Variants in IFT43 observed in about 807,000 individuals in gnomAD.
IFT43 encodes intraflagellar transport protein 43 homolog.
In IFT43, 33 loss-of-function variants were observed where a neutral mutation model predicts 32.3. That is an observed-to-expected ratio of 1.02 (90% CI 0.77 to 1.37). The LOEUF (loss-of-function observed/expected upper bound fraction) is 1.37. Among genes scored for constraint, IFT43 ranks in the 40% most tolerant of loss-of-function variants. IFT43 has a pLI of 0.00. For missense variants in IFT43, 274 were observed against 265.9 expected (o/e 1.03, Z -0.21); for synonymous variants, 93 against 98.2 (o/e 0.95, Z 0.31).
intron 5 of IFT43, among the ~76,000 whole-genome samples, chr14:76,069,757 A>G (rs139427662): frequency 1.3e-5 from 2 of 152,232 alleles, no homozygotes; most frequent in African/African-American, 4.8e-5. Flanking sequence ...CAAAAAAAGG[A>G]CTCAGTCTTG....
chr14:75,998,265 A>C (rs1224225182), intron 2 of IFT43, among the ~76,000 whole-genome samples: 1 of 152,110 alleles, frequency 6.6e-6, no homozygotes, highest in Non-Finnish European at 1.5e-5. Context: ...ATGAATCCTC[A>C]GGTGTGAGGA....
chr14:76,084,004 G>A (rs184741687), downstream of IFT43: 153 of 456,606 alleles, frequency 3.4e-4, no homozygotes, highest in African/African-American at 2.7e-3. Context: ...CCTTAGTGAC[G>A]CAGCACTGCC....
At position 76,083,464 on chromosome 14, in the gene IFT43, G is replaced by A; in HGVS notation, c.514G>A (p.Val172Ile). 6.2e-7 allele frequency: 1 copy of A among 1,614,154 alleles called. No individual in the cohort carries two copies. Among genetic ancestry groups the A allele is most frequent in the Admixed American group, 1.7e-5 (1 of 60,030 alleles). ...GCGAAACCCTTCTTGGCAGGATGAT[G>A]TCGGCTGGGACTGGGACCATCTGTT... ...APEHEVREDD[V>I]GWDWDHLFTE... Residue 172 changes from valine (V) to isoleucine (I), a missense_variant, in exon 9 of 9, where the codon GTC becomes ATC. Transcript: ENST00000314067.
chr14:76,037,153 A>G (rs1336531079), intron 3 of IFT43, among the ~76,000 whole-genome samples: 1 of 149,038 alleles, frequency 6.7e-6, no homozygotes, highest in Admixed American at 6.8e-5. Context: ...TGTCCCTCAT[A>G]TTCCCTGTTA....
intron 2 of IFT43, among the ~76,000 whole-genome samples, chr14:76,005,279 C>T (rs547882891): frequency 2.4e-4 from 37 of 152,304 alleles, no homozygotes; most frequent in African/African-American, 7.9e-4. Flanking sequence ...AACTTGGTTT[C>T]GGACTGTGTT....
At chr14:76,024,134 T>A (rs951414626) in intron 3 of IFT43, among the ~76,000 whole-genome samples, 2 of 152,220 alleles carry the variant, frequency 1.3e-5, no homozygotes, top group Non-Finnish European at 2.9e-5. Context: ...ATGATTGATA[T>A]CCCCTTGGAT....
In IFT43 at chr14:76,051,387, G is replaced by A. The variant is rs1168550949; in HGVS notation, c.216-7255G>A. Among the ~76,000 whole-genome samples, 6 of 151,710 alleles carry A rather than the reference G, an allele frequency of 4.0e-5. No homozygotes were observed. The South Asian group carries it at 1.0e-3, about 26-fold the overall frequency. ...CTTTTAATGAGTATTGCAGGTGTGG[G>A]GGCAGCTTAGAGCAGAGGGACCCCA... is the stretch of plus-strand genomic sequence containing the variant. On this transcript the variant is annotated intron_variant, in intron 3 of 8. Coordinates refer to ENST00000314067, the MANE Select transcript of IFT43 (RefSeq NM_001102564.3).
chr14:76,045,263 T>C (rs1489064200), intron 3 of IFT43, among the ~76,000 whole-genome samples: 1 of 152,350 alleles, frequency 6.6e-6, no homozygotes, highest in East Asian at 1.9e-4. Context: ...GCCACCTTTT[T>C]CTCTAGCAGA....
intron 5 of IFT43, among the ~76,000 whole-genome samples, chr14:76,076,358 G>A (rs1221150373): frequency 6.6e-6 from 1 of 152,180 alleles, no homozygotes; most frequent in Admixed American, 6.5e-5. Context: ...CATGACCAGG[G>A]AATCCTATTC....
At chr14:76,032,691 G>C (rs1324733265) in intron 3 of IFT43, among the ~76,000 whole-genome samples, 2 of 152,200 alleles carry the variant, frequency 1.3e-5, no homozygotes, top group African/African-American at 4.8e-5. Context: ...ACATATGAAT[G>C]ATCAGATCAG....
intron 2 of IFT43, among the ~76,000 whole-genome samples, chr14:75,999,738 G>T (rs771859754): frequency 8.5e-5 from 13 of 152,182 alleles, no homozygotes; most frequent in Non-Finnish European, 1.8e-4. Flanking sequence ...AGCCATTTCT[G>T]GCGGCCTGCA....
At chr14:76,061,317 TG>T (rs1363423907) in intron 5 of IFT43, among the ~76,000 whole-genome samples, 2 of 152,258 alleles carry the variant, frequency 1.3e-5, no homozygotes, top group African/African-American at 4.8e-5. Context: ...TAATATGCCT[TG>T]GTGTGGTTTT....
At chr14:76,047,682 C>G (rs1408955437) in intron 3 of IFT43, among the ~76,000 whole-genome samples, 2 of 151,036 alleles carry the variant, frequency 1.3e-5, no homozygotes, top group Non-Finnish European at 2.9e-5. Context: ...ACTGCCCGCC[C>G]GCCTGCCTGC....
chr14:76,062,917 C>CAAAAAAAAAAA (rs746158153), intron 5 of IFT43, among the ~76,000 whole-genome samples: 3 of 72,474 alleles, frequency 4.1e-5, no homozygotes, highest in African/African-American at 5.9e-5. Context: ...GATCCCATCT[C>CAAAAAAAAAAA]AAAAAAAAAA....
At chr14:76,067,439 G>A (rs2037244053) in intron 5 of IFT43, among the ~76,000 whole-genome samples, 2 of 151,990 alleles carry the variant, frequency 1.3e-5, no homozygotes, top group African/African-American at 4.8e-5. Context: ...GTGTGGTGGT[G>A]CACGCCTGTA....
At chr14:75,991,388 AGTGTGTGTGTGTGTGTGTGTGT>A (rs34624480) in intron 2 of IFT43, among the ~76,000 whole-genome samples, 2 of 141,998 alleles carry the variant, frequency 1.4e-5, no homozygotes, top group East Asian at 2.0e-4. Context: ...TATTAACAAG[AGTGTGTGTGTGTGTGTGTGTGT>A]GTGTGTGTGT....
intron 2 of IFT43, among the ~76,000 whole-genome samples, chr14:75,998,764 G>C (rs1003378034): frequency 6.6e-5 from 10 of 152,218 alleles, no homozygotes; most frequent in Non-Finnish European, 1.5e-4. Flanking sequence ...AGTACACACT[G>C]AGTGAGGTCT....
chr14:75,999,294 T>TAA (rs2035838441), intron 2 of IFT43, among the ~76,000 whole-genome samples: 2 of 119,704 alleles, frequency 1.7e-5, no homozygotes, highest in Non-Finnish European at 3.3e-5. Context: ...TTTTTTTTTT[T>TAA]TTTTTTAATT....
intron 5 of IFT43, chr14:76,059,683 C>G: frequency 2.4e-6 from 1 of 417,230 alleles, no homozygotes; most frequent in South Asian, 2.1e-5. Context: ...GCTCCTCTAA[C>G]CTCCTTGGCA....
Sources: allele counts gnomAD v4.1 joint callset (sites outside exome capture counted in the v4.1 genomes callset), GRCh38; gene constraint gnomAD v4.1.1; transcripts MANE v1.5; gene names NCBI Gene and HGNC (gene_info 2026-07-23, HGNC 2026-07-21).